RELN: variants seen among roughly 807,000 people sequenced by gnomAD.
The protein encoded by RELN is reelin.
A neutral mutation model predicts 427.6 loss-of-function variants in RELN; 108 were observed. The ratio of observed to expected loss-of-function variants is 0.25; its 90% CI spans 0.22 to 0.30. The LOEUF (loss-of-function observed/expected upper bound fraction) is 0.30, where lower values mean the gene tolerates loss of function less well. RELN is among the 10% of genes least tolerant of loss of function. The pLI is 1.00. For synonymous variants in RELN, 1,524 were observed against 1,513.4 expected, an observed-to-expected ratio of 1.01 and a Z score of -0.16; for missense variants, 3,715 against 4,302.8, an observed-to-expected ratio of 0.86 and a Z score of 3.82.
At chr7:103,586,857 A>C (rs1043868570) in intron 28 of RELN, among the ~76,000 whole-genome samples, 1 of 148,508 alleles carries the variant, frequency 6.7e-6, no homozygotes. Flanking sequence ...GAAAACTAGA[A>C]AACACTGTAG....
At chr7:103,726,394 A>C (rs1790213088) in intron 7 of RELN, among the ~76,000 whole-genome samples, 1 of 152,144 alleles carries the variant, frequency 6.6e-6, no homozygotes, top group Non-Finnish European at 1.5e-5. Flanking sequence ...AAATATAAAA[A>C]CTACATACTT....
At chr7:103,696,621 C>T (rs1039652033) in intron 10 of RELN, among the ~76,000 whole-genome samples, 7 of 152,218 alleles carry the variant, frequency 4.6e-5, no homozygotes, top group Admixed American at 2.6e-4. Flanking sequence ...TTTCTGTTCC[C>T]TGTCCTATAA....
At chr7:103,890,552 TC>T (rs36004851) in intron 2 of RELN, among the ~76,000 whole-genome samples, 78,600 of 140,158 alleles carry the variant, frequency 0.56, 21,258 homozygotes, top group East Asian at 0.78. Flanking sequence ...GCTTGAATCA[TC>T]CCCCAAACCA....
At chr7:103,764,981 G>T (rs1405124498) in intron 4 of RELN, among the ~76,000 whole-genome samples, 1 of 152,082 alleles carries the variant, frequency 6.6e-6, no homozygotes, top group East Asian at 1.9e-4. Flanking sequence ...TGGCACCCTA[G>T]TGGGTTATTG....
chr7:103,767,075 A>G (rs966928890), intron 4 of RELN, among the ~76,000 whole-genome samples: 6 of 152,224 alleles, frequency 3.9e-5, no homozygotes, highest in African/African-American at 1.4e-4. Flanking sequence ...AGAAGCCCAC[A>G]GGCCAATGAA....
rs747954645 is a variant in RELN at position 103,776,869 on chromosome 7, GAAAA to G, written c.474-246_474-243del. 2.7e-3 allele frequency among the ~76,000 whole-genome samples: 407 copies of G among 152,282 alleles called. 1 individual carries two copies. Among genetic ancestry groups the G allele is most frequent in the Non-Finnish European group, 4.7e-3 (317 of 68,026 alleles). On this transcript the variant is annotated intron_variant, in intron 3 of 64. Coordinates refer to ENST00000428762, the MANE Select transcript of RELN (RefSeq NM_005045.4). The stretch of plus-strand genomic sequence containing the variant: ...ACTGTAACAGTTGTGAGCTTGTTCT[GAAAA>G]CAGCAGATGTGCGTAAAGCCTATAG...
intron 2 of RELN, among the ~76,000 whole-genome samples, chr7:103,837,775 C>G (rs1229526001): frequency 2.0e-5 from 3 of 152,158 alleles, no homozygotes; most frequent in Admixed American, 6.5e-5. Flanking sequence ...TTTACCTCAG[C>G]ACTTGACCAT....
chr7:103,523,285 AACTT>A, intron 47 of RELN, 102 bp downstream of exon 47: 1 of 1,269,656 alleles, frequency 7.9e-7, no homozygotes, highest in South Asian at 1.3e-5. Flanking sequence ...AAAAATGTAT[AACTT>A]AAGGAAGCAT....
At chr7:103,520,799 T>TA (rs1486767560) in intron 48 of RELN, among the ~76,000 whole-genome samples, 2 of 152,046 alleles carry the variant, frequency 1.3e-5, no homozygotes, top group African/African-American at 4.8e-5. Flanking sequence ...AACACTGCAG[T>TA]CTTTCTCAGT....
rs969173677 is a variant in RELN at position 103,874,199 on chromosome 7, A to T, written c.338-40527T>A. Among the ~76,000 whole-genome samples the T allele has an allele frequency of 4.9e-5, 6 of 123,314 alleles. 1 individual carries two copies. Among genetic ancestry groups the T allele is most frequent in the East Asian group, 3.1e-4 (1 of 3,238 alleles). 80.9% of individuals were successfully genotyped at this position (123,314 alleles called of 152,430 possible). A position where few individuals can be genotyped will look rare whatever the true frequency, so the allele number is the denominator to read the frequency against. Reference sequence around the variant, plus strand: ...TCTCAATAAATTAGGTATTGATGGGATGTATTTCAAAATAATAAGAGCTAT... The same window carrying T: ...TCTCAATAAATTAGGTATTGATGGGTTGTATTTCAAAATAATAAGAGCTAT... On this transcript the variant is annotated intron_variant, in intron 2 of 64. Coordinates refer to ENST00000428762, the MANE Select transcript of RELN (RefSeq NM_005045.4).
chr7:103,836,113 C>T (rs1377258151), intron 2 of RELN, among the ~76,000 whole-genome samples: 1 of 152,122 alleles, frequency 6.6e-6, no homozygotes, highest in Non-Finnish European at 1.5e-5. Flanking sequence ...CAGGTGCCTG[C>T]CACCACAGCC....
chr7:103,542,672 A>G (rs1830198642), intron 43 of RELN, 59 bp downstream of exon 43: 3 of 1,576,278 alleles, frequency 1.9e-6, no homozygotes, highest in Non-Finnish European at 2.6e-6. Context: ...TGATTTGATT[A>G]TGTTCTGCTA....
chr7:103,585,628 T>C (rs1831252214), intron 28 of RELN, among the ~76,000 whole-genome samples: 1 of 152,194 alleles, frequency 6.6e-6, no homozygotes, highest in South Asian at 2.1e-4. Flanking sequence ...TTTTACTAGA[T>C]GTACAAAGCA....
At position 103,523,943 on chromosome 7, in the gene RELN, C is replaced by T. The variant is rs188338122; in HGVS notation, c.7350-412G>A. 1.4e-4 allele frequency among the ~76,000 whole-genome samples: 21 copies of T among 152,262 alleles called. No individual in the cohort carries two copies. In the East Asian group the frequency reaches 3.3e-3, roughly 24 times the overall value. On this transcript the variant is annotated intron_variant, in intron 46 of 64. Coordinates refer to ENST00000428762, the MANE Select transcript of RELN (RefSeq NM_005045.4). Reference sequence around the variant, plus strand: ...CCTCCCACCTCAGCCTCCCAAAGTGCGGGGATTACAGGCATGAGCCACTGT... The same window carrying T: ...CCTCCCACCTCAGCCTCCCAAAGTGTGGGGATTACAGGCATGAGCCACTGT...
At chr7:103,781,083 C>T (rs1017712266) in intron 3 of RELN, among the ~76,000 whole-genome samples, 10 of 152,206 alleles carry the variant, frequency 6.6e-5, no homozygotes, top group Non-Finnish European at 8.8e-5. Flanking sequence ...CTATAGAAGA[C>T]GCATGGTTAG....
chr7:103,772,993 A>G (rs567323516), intron 4 of RELN, among the ~76,000 whole-genome samples: 6 of 152,274 alleles, frequency 3.9e-5, no homozygotes, highest in Non-Finnish European at 5.9e-5. Context: ...ATAGGAGCAG[A>G]AAAATCCTGA....
intron 2 of RELN, among the ~76,000 whole-genome samples, chr7:103,835,542 G>C (rs1793379730): frequency 1.3e-5 from 2 of 152,170 alleles, no homozygotes; most frequent in Non-Finnish European, 2.9e-5. Context: ...TTTATTGTGT[G>C]TAGGGATAGT....
chr7:103,611,536 A>ATTTTTT lies in RELN; in HGVS notation c.2895+69_2895+74dup, dbSNP rs10673432. 60 of 946,194 alleles carry ATTTTTT rather than the reference A, an allele frequency of 6.3e-5. No individual in the cohort carries two copies. The African/African-American group carries it at 7.9e-4, about 13-fold the overall frequency. 58.6% of individuals were successfully genotyped at this position (946,194 alleles called of 1,614,324 possible). A position where few individuals can be genotyped will look rare whatever the true frequency, so the allele number is the denominator to read the frequency against. On this transcript the variant is annotated intron_variant, in intron 21 of 64. Coordinates refer to ENST00000428762, the MANE Select transcript of RELN (RefSeq NM_005045.4). The stretch of plus-strand genomic sequence containing the variant: ...CCAAACCTAAACTTCTAGAACTGTA[A>ATTTTTT]TTTTTTTTTTTTTTGGCTTCCTAGG...
intron 3 of RELN, among the ~76,000 whole-genome samples, chr7:103,811,015 G>C (rs1792729590): frequency 6.6e-6 from 1 of 152,092 alleles, no homozygotes. Flanking sequence ...GAAAATAAAT[G>C]TTAAGGTTTA....
Sources: allele counts gnomAD v4.1 joint callset (sites outside exome capture counted in the v4.1 genomes callset), GRCh38; gene constraint gnomAD v4.1.1; transcripts MANE v1.5; gene names NCBI Gene and HGNC (gene_info 2026-07-23, HGNC 2026-07-21).